Variants in RAP1GAP2 observed in about 807,000 individuals in gnomAD.
RAP1GAP2 encodes RAP1 GTPase activating protein 2.
Under a neutral mutation model 95.0 loss-of-function variants are expected in RAP1GAP2, and 27 were observed. The ratio of observed to expected loss-of-function variants is 0.28; its 90% CI spans 0.21 to 0.39. RAP1GAP2 has a LOEUF of 0.39. Among genes scored for constraint, RAP1GAP2 ranks in the 10% least tolerant of loss-of-function variants. The probability of loss-of-function intolerance (pLI) is 1.00; values close to 1 mark genes in which losing one functional copy is unlikely to be tolerated. For missense variants in RAP1GAP2, 771 were observed against 970.0 expected, an observed-to-expected ratio of 0.79 and a Z score of 2.72; for synonymous variants, 373 against 380.9, an observed-to-expected ratio of 0.98 and a Z score of 0.24.
intron 1 of RAP1GAP2, among the ~76,000 whole-genome samples, chr17:2,769,232 TAAAAAAA>T (rs58436827): frequency 0.014 from 615 of 42,658 alleles, 3 homozygotes; most frequent in Middle Eastern, 0.022. Context: ...ACCATTTCTC[TAAAAAAA>T]AAAAAAAAAA....
At chr17:2,879,293 C>T (rs1024656964) in intron 2 of RAP1GAP2, among the ~76,000 whole-genome samples, 3 of 151,956 alleles carry the variant, frequency 2.0e-5, no homozygotes, top group Non-Finnish European at 4.4e-5. Flanking sequence ...TTTTTGTAAA[C>T]TTAGTAGAGC....
chr17:3,027,068 C>A lies in RAP1GAP2; in HGVS notation c.2105C>A (p.Thr702Lys). ...CCGATCATCATGAGCCGGAGTCCCACAGGTCAGTGGCATCTGGTGGTGTGT... is the reference window on the plus strand; with the variant it reads ...CCGATCATCATGAGCCGGAGTCCCAAAGGTCAGTGGCATCTGGTGGTGTGT... ...ATPIIMSRSPTDAKSRNSPRS... is the reference protein window; with the variant it reads ...ATPIIMSRSPKDAKSRNSPRS... Residue 702 changes from threonine (T) to lysine (K), a missense_variant and splice_region_variant, in exon 22 of 25, where the codon ACA becomes AAA. By Grantham distance (78) the Thr-to-Lys change is moderately conservative. Coordinates refer to ENST00000254695, the MANE Select transcript of RAP1GAP2 (RefSeq NM_015085.5). The surrounding 1 kb of genome is among the most constrained non-coding windows in gnomAD (Gnocchi z 5.2). 6.3e-7 allele frequency: 1 copy of A among 1,577,698 alleles called. No homozygotes were observed. Among genetic ancestry groups the A allele is most frequent in the South Asian group, 1.2e-5 (1 of 85,510 alleles).
chr17:2,761,979 CTTTTTTTTTTTTT>C (rs901487276), intron 1 of RAP1GAP2, among the ~76,000 whole-genome samples: 4 of 77,710 alleles, frequency 5.1e-5, no homozygotes, highest in Admixed American at 3.3e-4. Flanking sequence ...GTTTATATAT[CTTTTTTTTTTTTT>C]TTTTTTTTTT....
chr17:2,787,553 G>A (rs1040630718), intron 1 of RAP1GAP2, among the ~76,000 whole-genome samples: 1 of 152,136 alleles, frequency 6.6e-6, no homozygotes, highest in Non-Finnish European at 1.5e-5. Flanking sequence ...ACCACACGCT[G>A]AGCCTGTTTT....
At chr17:2,896,735 G>A (rs566418400) in intron 2 of RAP1GAP2, among the ~76,000 whole-genome samples, 18 of 152,276 alleles carry the variant, frequency 1.2e-4, no homozygotes, top group Non-Finnish European at 2.5e-4. Context: ...TGTTCCTCCC[G>A]CCTCCTGCCC....
intron 2 of RAP1GAP2, among the ~76,000 whole-genome samples, chr17:2,826,147 A>ATTT (rs71150901): frequency 0.22 from 23,988 of 108,700 alleles, 2,680 homozygotes; most frequent in Non-Finnish European, 0.24. Context: ...CGCCCAGCAA[A>ATTT]TTTTTTTTTT....
In RAP1GAP2 at chr17:2,965,481, G is replaced by A. The variant is rs914287997; in HGVS notation, c.493-59G>A. 9 of 1,324,150 alleles carry A rather than the reference G, an allele frequency of 6.8e-6. No homozygotes were observed. The African/African-American group carries it at 1.2e-4, about 17-fold the overall frequency. The allele number at this position is 1,324,150 out of a possible 1,614,324, so 82.0% of individuals were successfully genotyped here. ...CTCCTGGTGAAGGAGGTGGTTTAGG[G>A]GGAACATACCTGGAAGGTTTCTTCC... On this transcript the variant is annotated intron_variant, in intron 7 of 24. Coordinates refer to ENST00000254695, the MANE Select transcript of RAP1GAP2 (RefSeq NM_015085.5). This position sits in a 1 kb window ranked among gnomAD's most constrained non-coding sequence, Gnocchi z 4.7.
At chr17:2,984,304 C>T (rs770044817) in intron 10 of RAP1GAP2, among the ~76,000 whole-genome samples, 2 of 152,104 alleles carry the variant, frequency 1.3e-5, no homozygotes, top group East Asian at 1.9e-4. Context: ...GCCAAGACCA[C>T]GCCATTGCAC....
chr17:3,027,201 T>C lies in RAP1GAP2; in HGVS notation c.2107+131T>C. ...TCCTCCCAGCTGTGAGGCCCTCCGC[T>C]CTGTGCGCCCGCCTCTTCTGTTCAT... On this transcript the variant is annotated intron_variant, in intron 22 of 24. Coordinates refer to ENST00000254695, the MANE Select transcript of RAP1GAP2 (RefSeq NM_015085.5). The surrounding 1 kb of genome is among the most constrained non-coding windows in gnomAD (Gnocchi z 5.2). 1 of 1,176,758 alleles carries C rather than the reference T, an allele frequency of 8.5e-7. No individual in the cohort carries two copies. The highest frequency in any genetic ancestry group is 3.0e-5 in the Admixed American group (1 of 33,196). The allele number at this position is 1,176,758 out of a possible 1,614,324, so 72.9% of individuals were successfully genotyped here. A position where few individuals can be genotyped will look rare whatever the true frequency, so the allele number is the denominator to read the frequency against.
chr17:2,939,453 G>A (rs558262800), intron 3 of RAP1GAP2, among the ~76,000 whole-genome samples: 1 of 152,336 alleles, frequency 6.6e-6, no homozygotes, highest in South Asian at 2.1e-4. Flanking sequence ...GGAATGCCTC[G>A]AAAGATGCAG....
chr17:2,960,953 C>T (rs1211737233), intron 4 of RAP1GAP2, among the ~76,000 whole-genome samples: 3 of 152,354 alleles, frequency 2.0e-5, no homozygotes, highest in South Asian at 4.1e-4. Flanking sequence ...CAGTGGCTCA[C>T]GCCTGTAATC....
intron 3 of RAP1GAP2, among the ~76,000 whole-genome samples, chr17:2,917,643 G>A (rs193042934): frequency 6.6e-6 from 1 of 152,182 alleles, no homozygotes; most frequent in Admixed American, 6.5e-5. Context: ...GATCTCAGGT[G>A]ATCCTCCCAC....
In RAP1GAP2 at chr17:2,817,522, T is replaced by TA. The variant is rs200487635; in HGVS notation, c.80+16973dup. Among the ~76,000 whole-genome samples, 243 of 114,894 alleles carry TA rather than the reference T, an allele frequency of 2.1e-3. 39 individuals carry two copies. Among genetic ancestry groups the TA allele is most frequent in the African/African-American group, 3.9e-3 (136 of 34,910 alleles). 75.4% of individuals were successfully genotyped at this position (114,894 alleles called of 152,430 possible). On this transcript the variant is annotated intron_variant, in intron 2 of 24. Coordinates refer to ENST00000254695, the MANE Select transcript of RAP1GAP2 (RefSeq NM_015085.5). Reference sequence around the variant, plus strand: ...GCTGATCGTATGGCAATTCTATGTATAGTTTTTTTTTTTTTTGAGGCAGGG... The same window carrying TA: ...GCTGATCGTATGGCAATTCTATGTATAAGTTTTTTTTTTTTTTGAGGCAGGG...
At chr17:2,842,690 G>C (rs745689291) in intron 2 of RAP1GAP2, among the ~76,000 whole-genome samples, 1 of 151,950 alleles carries the variant, frequency 6.6e-6, no homozygotes, top group Non-Finnish European at 1.5e-5. Flanking sequence ...CCTTTCCTTG[G>C]CAGGCTGGTG....
chr17:2,993,710 A>T (rs1381681947), intron 12 of RAP1GAP2, among the ~76,000 whole-genome samples: 1 of 152,136 alleles, frequency 6.6e-6, no homozygotes, highest in African/African-American at 2.4e-5. Context: ...TTGAGATGCT[A>T]TCATTATAAG....
intron 1 of RAP1GAP2, among the ~76,000 whole-genome samples, chr17:2,780,751 G>A (rs1475211861): frequency 6.6e-6 from 1 of 152,206 alleles, no homozygotes; most frequent in African/African-American, 2.4e-5. Context: ...TCCGATCTCT[G>A]CAATTTGTTT....
At chr17:2,880,304 G>A (rs764589999) in intron 2 of RAP1GAP2, among the ~76,000 whole-genome samples, 13 of 150,562 alleles carry the variant, frequency 8.6e-5, no homozygotes, top group Non-Finnish European at 1.5e-4. Context: ...TGGGGCAGGT[G>A]TGGAGAGGAA....
chr17:2,767,457 A>C (rs1461949518), intron 1 of RAP1GAP2, among the ~76,000 whole-genome samples: 1 of 148,790 alleles, frequency 6.7e-6, no homozygotes, highest in African/African-American at 2.5e-5. Flanking sequence ...CCATGCCCTC[A>C]TCCACCCTCT....
chr17:3,000,569 A>T (rs879042532), intron 14 of RAP1GAP2, among the ~76,000 whole-genome samples: 33 of 6,974 alleles, frequency 4.7e-3, no homozygotes, highest in African/African-American at 0.014. Flanking sequence ...AGGTCCAAGC[A>T]CCAGGCTGAA....
Sources: gnomAD v4.1 joint callset for allele counts (sites outside exome capture counted in the v4.1 genomes callset) on GRCh38, gnomAD v4.1.1 for gene constraint, Gnocchi (gnomAD v3.1) non-coding constraint, MANE v1.5 for transcripts, NCBI Gene and HGNC (gene_info 2026-07-23, HGNC 2026-07-21) for gene names.